The following PELP1 variants were observed in gnomAD, a reference collection of about 807,000 sequenced individuals.
PELP1 encodes the protein proline-, glutamic acid- and leucine-rich protein 1.
Under a neutral mutation model 95.5 loss-of-function variants are expected in PELP1, and 32 were observed. The ratio of observed to expected loss-of-function variants is 0.34; its 90% confidence interval spans 0.25 to 0.45. The LOEUF is 0.45. PELP1 is among the 20% of genes least tolerant of loss of function. PELP1 has a pLI of 1.00. For synonymous variants in PELP1, 668 were observed against 600.1 expected (o/e 1.11, Z -1.65); for missense variants, 1,358 against 1,444.8 (o/e 0.94, Z 0.97).
At chr17:4,678,956 T>C (rs1371775361) in intron 5 of PELP1, among the ~76,000 whole-genome samples, 1 of 152,134 alleles carries the variant, frequency 6.6e-6, no homozygotes, top group Non-Finnish European at 1.5e-5. Context: ...GCATGACAGA[T>C]TCTTATCTGA....
At chr17:4,698,904 T>C (rs1913411125) in intron 1 of PELP1, among the ~76,000 whole-genome samples, 1 of 152,120 alleles carries the variant, frequency 6.6e-6, no homozygotes. Flanking sequence ...CACTAAAATA[T>C]GTCAAAGTAA....
intron 1 of PELP1, among the ~76,000 whole-genome samples, chr17:4,694,774 C>T (rs1364546497): frequency 6.6e-6 from 1 of 151,324 alleles, no homozygotes; most frequent in Non-Finnish European, 1.5e-5. Context: ...AGTTCAAGAC[C>T]AGCCTGGCCA....
At chr17:4,686,403 CCAAGCTACT>C (rs1326078279) in intron 3 of PELP1, among the ~76,000 whole-genome samples, 1 of 152,212 alleles carries the variant, frequency 6.6e-6, no homozygotes, top group Admixed American at 6.5e-5. Context: ...CAACCCTAGT[CCAAGCTACT>C]ATGAATGTTC....
intron 1 of PELP1, 36 bp downstream of exon 1, chr17:4,703,827 C>A (rs754755862): frequency 6.4e-7 from 1 of 1,571,094 alleles, no homozygotes; most frequent in South Asian, 1.1e-5. Context: ...CGCCATCCTC[C>A]CCACAGGGCC....
chr17:4,683,501 G>A (rs1218630084), intron 3 of PELP1, among the ~76,000 whole-genome samples: 3 of 136,022 alleles, frequency 2.2e-5, no homozygotes, highest in Non-Finnish European at 4.7e-5. Flanking sequence ...TTACAGGTGT[G>A]AGCCATCACG....
At chr17:4,693,995 G>C (rs1913202847) in intron 1 of PELP1, among the ~76,000 whole-genome samples, 1 of 152,138 alleles carries the variant, frequency 6.6e-6, no homozygotes, top group African/African-American at 2.4e-5. Flanking sequence ...AATCCTGAGA[G>C]TTTGAATCCA....
chr17:4,674,180 G>T (rs1466558519), intron 13 of PELP1, among the ~76,000 whole-genome samples: 1 of 152,232 alleles, frequency 6.6e-6, no homozygotes, highest in South Asian at 2.1e-4. Context: ...AACGCCGGAG[G>T]AAGCGAAGGC....
chr17:4,674,756 A>G (rs569612816), intron 12 of PELP1, 53 bp downstream of exon 12: 3 of 1,588,540 alleles, frequency 1.9e-6, no homozygotes, highest in Admixed American at 3.6e-5. Flanking sequence ...GAGCAGGCAC[A>G]CTTGGTCAAA....
At chr17:4,699,153 G>A (rs1011080137) in intron 1 of PELP1, among the ~76,000 whole-genome samples, 3 of 152,184 alleles carry the variant, frequency 2.0e-5, no homozygotes, top group Admixed American at 6.5e-5. Flanking sequence ...GCCGAGGCGG[G>A]CGGATCACGA....
In PELP1 at chr17:4,694,377, C is replaced by T. The variant is rs146305775; in HGVS notation, c.250-2935G>A. ...TCTAAGTGAGTGAACTGTGGCCGGGCGCAGTGGCTCATGCCTATAATCCCA... is the reference window on the plus strand; with the variant it reads ...TCTAAGTGAGTGAACTGTGGCCGGGTGCAGTGGCTCATGCCTATAATCCCA... On this transcript the variant is annotated intron_variant, in intron 1 of 16. Transcript: ENST00000572293. 1.9e-3 allele frequency among the ~76,000 whole-genome samples: 293 copies of T among 151,822 alleles called. 4 individuals are homozygous for T. In the Middle Eastern group the frequency reaches 0.031, roughly 16 times the overall value.
chr17:4,675,953 T>A lies in PELP1; in HGVS notation c.981-69A>T, dbSNP rs1232533815. On this transcript the variant is annotated intron_variant, in intron 8 of 16. Transcript: ENST00000572293. The surrounding 1 kb of genome is among the most constrained non-coding windows in gnomAD (Gnocchi z 4.3). ...GGCATAACTCCCACACCCACCTTCA[T>A]CTCCTTTCTCCTGATGAAGGCGACA... 1 of 1,593,174 alleles carries A rather than the reference T, an allele frequency of 6.3e-7. No individual in the cohort carries two copies. The highest frequency in any genetic ancestry group is 8.6e-7 in the Non-Finnish European group (1 of 1,166,578).
intron 1 of PELP1, chr17:4,696,758 T>C (rs1913314321): frequency 6.6e-6 from 1 of 152,056 alleles, no homozygotes; most frequent in African/African-American, 2.4e-5. Flanking sequence ...AATCAGGAAG[T>C]ACTGTGAAGG....
chr17:4,692,902 C>T (rs1047746680), intron 1 of PELP1, among the ~76,000 whole-genome samples: 2 of 151,948 alleles, frequency 1.3e-5, no homozygotes, highest in South Asian at 2.1e-4. Flanking sequence ...CCCAGCTACT[C>T]GGGAGGCTGA....
Position 4,674,924 on chromosome 17 carries a change from T to C in PELP1, c.1307A>G (p.Glu436Gly), listed in dbSNP as rs756425641. ...TVRTKVYAIL[E>G]LWVQVCGASA... Reference sequence around the variant, plus strand: ...GGCCCCACAAACCTGCACCCACAGCTCTAATATCGCATACACCTTGGTCCG... The same window carrying C: ...GGCCCCACAAACCTGCACCCACAGCCCTAATATCGCATACACCTTGGTCCG... The change falls in exon 12 of 17, where the codon GAG (glutamate) becomes GGG (glycine). Residue 436 changes from glutamate (E) to glycine (G), a missense_variant. Glu to Gly is a moderately conservative substitution (Grantham distance 98). This residue lies in a region of PELP1 where 538 missense variants were observed against 628.1 expected (regional missense o/e 0.86). Coordinates refer to ENST00000572293, the MANE Select transcript of PELP1 (RefSeq NM_014389.3). 6.2e-7 allele frequency: 1 copy of C among 1,613,296 alleles called. No homozygotes were observed. The highest frequency in any genetic ancestry group is 8.5e-7 in the Non-Finnish European group (1 of 1,179,520).
Position 4,671,898 on chromosome 17 carries a change from G to C in PELP1, c.3093C>G (p.Leu1031=). 1 of 1,513,400 alleles carries C rather than the reference G, an allele frequency of 6.6e-7. No individual in the cohort carries two copies. The highest frequency in any genetic ancestry group is 8.8e-7 in the Non-Finnish European group (1 of 1,134,544). 93.7% of individuals were successfully genotyped at this position (1,513,400 alleles called of 1,614,324 possible). ...CCCTCTCCACCTCTCCCTGGGAGGGGAGCGCTTCAGGGGCCAGGGTGGGAG... is the reference window on the plus strand; with the variant it reads ...CCCTCTCCACCTCTCCCTGGGAGGGCAGCGCTTCAGGGGCCAGGGTGGGAG... ...DTAPTLAPEA[L]PSQGEVEREG... The change falls in exon 16 of 17, where the codon CTC becomes CTG. Residue 1031 remains leucine (L), a synonymous_variant. Coordinates refer to ENST00000572293, the MANE Select transcript of PELP1 (RefSeq NM_014389.3).
chr17:4,685,923 C>A (rs1912894991), intron 3 of PELP1, among the ~76,000 whole-genome samples: 1 of 152,060 alleles, frequency 6.6e-6, no homozygotes, highest in African/African-American at 2.4e-5. Flanking sequence ...ATGGTGAAAC[C>A]CCGTCTCTAC....
At chr17:4,691,118 C>T in intron 2 of PELP1, 125 bp from the exon 3 acceptor site, 1 of 722,178 alleles carries the variant, frequency 1.4e-6, no homozygotes, top group South Asian at 1.8e-5. Context: ...GTTTCCAACT[C>T]CTGAAATACT....
Position 4,672,825 on chromosome 17 carries a change from C to T in PELP1, c.2166G>A (p.Arg722=), listed in dbSNP as rs1230978649. The T allele has an allele frequency of 1.2e-6, 2 of 1,613,836 alleles. No individual in the cohort carries two copies. The highest frequency in any genetic ancestry group is 8.5e-7 in the Non-Finnish European group (1 of 1,179,818). Residue 722 remains arginine, a synonymous_variant, in exon 16 of 17, where the codon CGG becomes CGA. Transcript: ENST00000572293. ...GGTGGTTCTCAGGGCCAGGAAGAAGCCGGGGAGGGACAGACACTAGGCCTG... is the reference window on the plus strand; with the variant it reads ...GGTGGTTCTCAGGGCCAGGAAGAAGTCGGGGAGGGACAGACACTAGGCCTG... ...SVPGLVSVPP[R]LLPGPENHRA... is the part of the protein sequence containing the mutation.
At position 4,676,647 on chromosome 17, in the gene PELP1, A is replaced by G; in HGVS notation, c.702+106T>C. On this transcript the variant is annotated intron_variant, in intron 6 of 16. Coordinates refer to ENST00000572293, the MANE Select transcript of PELP1 (RefSeq NM_014389.3). ...TGAGATGGGACAATGAGGCCGAAGG[A>G]CACAGATGGGCATATGAAGGCAGGA... The G allele has an allele frequency of 3.7e-6, 5 of 1,368,902 alleles. 1 individual carries two copies. In the South Asian group the frequency reaches 6.2e-5, roughly 17 times the overall value. The allele number at this position is 1,368,902 out of a possible 1,614,324, so 84.8% of individuals were successfully genotyped here. A position where few individuals can be genotyped will look rare whatever the true frequency, so the allele number is the denominator to read the frequency against.
Sources: allele counts gnomAD v4.1 joint callset (sites outside exome capture counted in the v4.1 genomes callset), GRCh38; gene constraint gnomAD v4.1.1; regional missense constraint gnomAD v4.1.1; non-coding constraint Gnocchi (gnomAD v3.1); transcripts MANE v1.5; gene names NCBI Gene and HGNC (gene_info 2026-07-23, HGNC 2026-07-21).